The following REDIC1 variants were observed in gnomAD, a reference collection of about 807,000 sequenced individuals.
The protein encoded by REDIC1 is regulator of DNA class I crossover intermediates 1.
At chr12:39,726,106 C>T in the REDIC1 span, among the ~76,000 whole-genome samples, 4 of 151,972 alleles carry the variant, frequency 2.6e-5, no homozygotes, top group Non-Finnish European at 5.9e-5. Flanking sequence ...TTTTAATTTT[C>T]TTCTTTTTTT....
the REDIC1 span, chr12:39,716,799 A>G: frequency 6.2e-7 from 1 of 1,602,606 alleles, no homozygotes; most frequent in South Asian, 1.1e-5. Flanking sequence ...GTTACTCTCC[A>G]AGACCAACAG....
chr12:39,762,957 G>A, the REDIC1 span, among the ~76,000 whole-genome samples: 1 of 151,998 alleles, frequency 6.6e-6, no homozygotes, highest in Non-Finnish European at 1.5e-5. Flanking sequence ...ATTCAAGAAA[G>A]AGGAGCTTTG....
chr12:39,821,884 A>G, the REDIC1 span, among the ~76,000 whole-genome samples: 1 of 152,174 alleles, frequency 6.6e-6, no homozygotes, highest in Non-Finnish European at 1.5e-5. Context: ...AGAATAGAAG[A>G]TAGTTGAATA....
the REDIC1 span, among the ~76,000 whole-genome samples, chr12:39,653,665 C>T: frequency 6.6e-6 from 1 of 150,716 alleles, no homozygotes; most frequent in Non-Finnish European, 1.5e-5. Flanking sequence ...TTTTACTTCC[C>T]TTTCTTGCTT....
At chr12:39,708,374 T>A in the REDIC1 span, among the ~76,000 whole-genome samples, 1 of 151,880 alleles carries the variant, frequency 6.6e-6, no homozygotes, top group Non-Finnish European at 1.5e-5. Flanking sequence ...ATATTGGTTT[T>A]TGATTTATTT....
the REDIC1 span, among the ~76,000 whole-genome samples, chr12:39,839,126 C>T: frequency 6.6e-6 from 1 of 152,214 alleles, no homozygotes; most frequent in Non-Finnish European, 1.5e-5. Context: ...TCTACTATCC[C>T]CTTCCTCACT....
chr12:39,766,197 C>G, the REDIC1 span, among the ~76,000 whole-genome samples: 2 of 152,000 alleles, frequency 1.3e-5, no homozygotes, highest in African/African-American at 2.4e-5. Context: ...TTTCAGTATT[C>G]GTTTACCTCA....
At chr12:39,739,822 G>A in the REDIC1 span, among the ~76,000 whole-genome samples, 587 of 152,224 alleles carry the variant, frequency 3.9e-3, 4 homozygotes, top group African/African-American at 0.013. Context: ...AATTTGGGAA[G>A]GCATTGTGAC....
chr12:39,763,746 A>G, the REDIC1 span, among the ~76,000 whole-genome samples: 1 of 152,116 alleles, frequency 6.6e-6, no homozygotes, highest in East Asian at 1.9e-4. Context: ...GAATAATCCT[A>G]TTGCAACCTA....
At chr12:39,826,542 AT>A in the REDIC1 span, among the ~76,000 whole-genome samples, 2 of 149,928 alleles carry the variant, frequency 1.3e-5, no homozygotes, top group Non-Finnish European at 3.0e-5. Context: ...GTTTACTCTT[AT>A]ACTTGTAACA....
chr12:39,678,258 A>G, the REDIC1 span, among the ~76,000 whole-genome samples: 2 of 152,182 alleles, frequency 1.3e-5, no homozygotes, highest in Non-Finnish European at 2.9e-5. Context: ...GGGAGATATT[A>G]TAACTGATAC....
the REDIC1 span, among the ~76,000 whole-genome samples, chr12:39,832,247 G>A: frequency 2.0e-5 from 3 of 152,080 alleles, no homozygotes; most frequent in East Asian, 5.8e-4. Flanking sequence ...ATTTGGAAAG[G>A]AGATAATTTC....
the REDIC1 span, among the ~76,000 whole-genome samples, chr12:39,802,540 T>G: frequency 6.6e-6 from 1 of 152,078 alleles, no homozygotes; most frequent in Non-Finnish European, 1.5e-5. Flanking sequence ...GATTAAAAGG[T>G]GTACAAGCAG....
chr12:39,811,726 A>G, the REDIC1 span, among the ~76,000 whole-genome samples: 3 of 152,192 alleles, frequency 2.0e-5, no homozygotes, highest in Non-Finnish European at 4.4e-5. Context: ...CATCCTTCTT[A>G]ATCTCTGATA....
the REDIC1 span, among the ~76,000 whole-genome samples, chr12:39,693,402 T>C: frequency 2.6e-5 from 4 of 151,878 alleles, no homozygotes; most frequent in East Asian, 5.8e-4. Context: ...CCTATTTCCT[T>C]CTGCAACATG....
At chr12:39,742,269 GC>G in the REDIC1 span, among the ~76,000 whole-genome samples, 4 of 152,042 alleles carry the variant, frequency 2.6e-5, no homozygotes, top group Admixed American at 2.6e-4. Flanking sequence ...TTTAAAAGAG[GC>G]CACTCTGTCA....
the REDIC1 span, among the ~76,000 whole-genome samples, chr12:39,713,018 TATATAC>T: frequency 7.2e-6 from 1 of 139,702 alleles, no homozygotes; most frequent in African/African-American, 2.9e-5. Context: ...TATACATGTG[TATATAC>T]GTGTATATGT....
chr12:39,720,856 G>A, the REDIC1 span: 1 of 1,612,862 alleles, frequency 6.2e-7, no homozygotes, highest in Non-Finnish European at 8.5e-7. Flanking sequence ...CAAAACCAAG[G>A]AAAAAATGAA....
At chr12:39,845,116 T>C in the REDIC1 span, among the ~76,000 whole-genome samples, 1 of 152,096 alleles carries the variant, frequency 6.6e-6, no homozygotes, top group African/African-American at 2.4e-5. Flanking sequence ...AATTTGAATA[T>C]CTAGTATCTG....
Sources: gnomAD v4.1 joint callset for allele counts (sites outside exome capture counted in the v4.1 genomes callset) on GRCh38, gnomAD v4.1.1 for gene constraint, MANE v1.5 for transcripts, NCBI Gene and HGNC (gene_info 2026-07-23, HGNC 2026-07-21) for gene names.